Variants in PUDP observed in about 807,000 individuals in gnomAD.
PUDP encodes the protein pseudouridine 5'-phosphatase.
A neutral mutation model predicts 9.4 loss-of-function variants in PUDP; 8 were observed. That is an observed-to-expected ratio of 0.85 (90% confidence interval 0.50 to 1.53). PUDP has a LOEUF of 1.53. PUDP is among the 40% of genes most tolerant of loss of function. The probability of loss-of-function intolerance (pLI) is 0.00; values close to 1 mark genes in which losing one functional copy is unlikely to be tolerated. For synonymous variants in PUDP, 99 were observed against 80.7 expected (o/e 1.23, Z -1.22); for missense variants, 188 against 189.7 (o/e 0.99, Z 0.05).
intron 3 of PUDP, among the ~76,000 whole-genome samples, chrX:6,799,158 T>G (rs1602624216): frequency 1.8e-5 from 2 of 112,163 alleles, no homozygotes; most frequent in East Asian, 5.6e-4. Flanking sequence ...CTGCTAAACT[T>G]TAACCTTCAT....
chrX:6,900,771 T>TTTTTG (rs1161119614), intron 3 of PUDP, among the ~76,000 whole-genome samples: 4 of 107,460 alleles, frequency 3.7e-5, no homozygotes, highest in East Asian at 2.9e-4. Flanking sequence ...TTTTTTTGTT[T>TTTTTG]TTTTGTTTTG....
At chrX:6,991,628 T>C (rs1236014650) in intron 1 of PUDP, among the ~76,000 whole-genome samples, 2 of 107,335 alleles carry the variant, frequency 1.9e-5, no homozygotes, top group East Asian at 5.8e-4. Context: ...CTGTGAGCTA[T>C]GATTGCACCA....
chrX:6,969,817 G>C (rs1928843155), intron 3 of PUDP, among the ~76,000 whole-genome samples: 2 of 112,235 alleles, frequency 1.8e-5, no homozygotes, highest in Admixed American at 9.5e-5. Context: ...AGGAGTTCAA[G>C]GCCGCAGTGA....
At chrX:6,897,079 C>G (rs985695160) in intron 3 of PUDP, among the ~76,000 whole-genome samples, 1 of 111,313 alleles carries the variant, frequency 9.0e-6, no homozygotes, top group African/African-American at 3.3e-5. Context: ...AACCCCGGGA[C>G]AGACCCATTG....
chrX:7,052,946 T>C (rs1930143380), intron 3 of PUDP, among the ~76,000 whole-genome samples: 1 of 112,302 alleles, frequency 8.9e-6, no homozygotes, highest in Non-Finnish European at 1.9e-5. Flanking sequence ...AAGTTGGTTT[T>C]CTCTGTTATC....
chrX:6,708,029 G>A (rs1399314500), intron 1 of PUDP, among the ~76,000 whole-genome samples: 1 of 111,590 alleles, frequency 9.0e-6, no homozygotes, highest in Non-Finnish European at 1.9e-5. Flanking sequence ...GGGATTTCCT[G>A]CAATCCTGGC....
rs763544145 is a variant in PUDP at position 6,863,975 on chromosome X, A to T, written c.*247+113158T>A. Among the ~76,000 whole-genome samples, 9 of 111,240 alleles carry T rather than the reference A, an allele frequency of 8.1e-5. No individual in the cohort carries two copies. In the East Asian group the frequency reaches 2.6e-3, roughly 32 times the overall value. On this transcript the variant is annotated intron_variant and NMD_transcript_variant, in intron 3 of 3. Transcript: ENST00000655425. ...TCTCCTTAACCTTGGGGTCCATCTTAGTTGATAGAGTGGGGTCTGTTTTGG... is the reference window on the plus strand; with the variant it reads ...TCTCCTTAACCTTGGGGTCCATCTTTGTTGATAGAGTGGGGTCTGTTTTGG...
At chrX:7,052,388 T>C (rs191376829) in intron 3 of PUDP, among the ~76,000 whole-genome samples, 75 of 110,999 alleles carry the variant, frequency 6.8e-4, no homozygotes, top group Admixed American at 1.1e-3. Flanking sequence ...ACCAGGTATA[T>C]AGCAGCGACT....
chrX:7,127,535 G>A (rs757920578), intron 1 of PUDP, among the ~76,000 whole-genome samples: 2 of 112,357 alleles, frequency 1.8e-5, no homozygotes, highest in South Asian at 7.3e-4. Context: ...TTTAAGAAAT[G>A]AAAACTCTAA....
rs185239466 is a variant in PUDP at position 6,971,297 on chromosome X, T to G, written c.*247+5836A>C. Among the ~76,000 whole-genome samples, 468 of 111,835 alleles carry G rather than the reference T, an allele frequency of 4.2e-3. 3 individuals carry two copies. The highest frequency in any genetic ancestry group is 0.015 in the African/African-American group (450 of 30,790). On this transcript the variant is annotated intron_variant and NMD_transcript_variant, in intron 3 of 3. Transcript: ENST00000655425. ...GTTACTGTAGCCTTGTAGTATAGTT[T>G]GAAGTCAGGTAGCGTGATGCCTCCA...
Position 6,775,324 on chromosome X carries a change from C to T in PUDP, c.*248-68858G>A, listed in dbSNP as rs976053029. ...ACTATTCAACTGTATAGATATACCA[C>T]ATTTGTTTATCCATTAATCTGTTGA... On this transcript the variant is annotated intron_variant and NMD_transcript_variant, in intron 3 of 3. Transcript: ENST00000655425. Among the ~76,000 whole-genome samples the T allele has an allele frequency of 6.8e-4, 76 of 111,749 alleles. 1 individual carries two copies. The highest frequency in any genetic ancestry group is 1.4e-3 in the Non-Finnish European group (72 of 53,203).
intron 3 of PUDP, among the ~76,000 whole-genome samples, chrX:6,872,714 A>G (rs983615173): frequency 9.3e-6 from 1 of 107,460 alleles, no homozygotes; most frequent in East Asian, 2.9e-4. Flanking sequence ...AAAAAAAAAA[A>G]AAAGACCACA....
chrX:6,979,520 G>T (rs1326388664), intron 1 of PUDP, among the ~76,000 whole-genome samples: 1 of 112,177 alleles, frequency 8.9e-6, no homozygotes, highest in Non-Finnish European at 1.9e-5. Context: ...TGAATGGTTG[G>T]TCTATAGGCA....
chrX:6,723,723 C>T (rs149704788), upstream of PUDP, among the ~76,000 whole-genome samples: 680 of 98,228 alleles, frequency 6.9e-3, 6 homozygotes, highest in African/African-American at 0.013. Flanking sequence ...AAAAAAACGC[C>T]TGATTGATTT....
At chrX:6,735,633 T>G (rs1297106281) in intron 3 of PUDP, among the ~76,000 whole-genome samples, 2 of 111,833 alleles carry the variant, frequency 1.8e-5, no homozygotes, top group Non-Finnish European at 3.8e-5. Flanking sequence ...CAGTCTCCTG[T>G]GTATACTTTT....
At chrX:7,033,275 A>G in intron 1 of PUDP, among the ~76,000 whole-genome samples, 2 of 111,521 alleles carry the variant, frequency 1.8e-5, no homozygotes, top group Middle Eastern at 4.6e-3. Flanking sequence ...CAGATGGCCT[A>G]TTGTGGGACC....
At chrX:6,769,798 TCAATCGTA>T (rs1381029492) in intron 3 of PUDP, among the ~76,000 whole-genome samples, 1 of 112,309 alleles carries the variant, frequency 8.9e-6, no homozygotes, top group Non-Finnish European at 1.9e-5. Flanking sequence ...GCCTGGGCTC[TCAATCGTA>T]CTTAAATAAA....
At chrX:6,752,552 T>C (rs980225359) in intron 3 of PUDP, among the ~76,000 whole-genome samples, 9 of 111,841 alleles carry the variant, frequency 8.0e-5, no homozygotes, top group Non-Finnish European at 1.3e-4. Flanking sequence ...TTGAAGAATA[T>C]TTTCCTTAAT....
intron 1 of PUDP, among the ~76,000 whole-genome samples, chrX:7,112,441 G>A (rs1352663389): frequency 3.6e-5 from 4 of 112,116 alleles, no homozygotes; most frequent in Admixed American, 9.4e-5. Context: ...TTGCACAACT[G>A]AATCTACTTA....
Sources: gnomAD v4.1 joint callset for allele counts (sites outside exome capture counted in the v4.1 genomes callset) on GRCh38, gnomAD v4.1.1 for gene constraint, MANE v1.5 for transcripts, NCBI Gene and HGNC (gene_info 2026-07-23, HGNC 2026-07-21) for gene names.